The following RBFOX1 variants were observed in gnomAD, a reference collection of about 807,000 sequenced individuals.
RBFOX1 encodes the protein RNA binding protein fox-1 homolog 1.
Under a neutral mutation model 57.7 loss-of-function variants are expected in RBFOX1, and 8 were observed. The ratio of observed to expected loss-of-function variants is 0.14; its 90% CI spans 0.08 to 0.25. The LOEUF (loss-of-function observed/expected upper bound fraction) is 0.25. Ranked by LOEUF, RBFOX1 falls within the 10% of genes least tolerant of loss-of-function variation. The pLI, the probability that RBFOX1 is intolerant of heterozygous loss-of-function variation, is 1.00. For synonymous variants in RBFOX1, 326 were observed against 222.4 expected (o/e 1.47, Z -4.15); for missense variants, 611 against 548.5 (o/e 1.11, Z -1.14).
At chr16:6,005,398 A>T (rs2060675897) in intron 4 of RBFOX1, among the ~76,000 whole-genome samples, 1 of 152,252 alleles carries the variant, frequency 6.6e-6, no homozygotes, top group Non-Finnish European at 1.5e-5. Flanking sequence ...CACCTGCTAG[A>T]GCTGGGAGCA....
At chr16:6,912,238 G>A (rs1199796646) in intron 3 of RBFOX1, among the ~76,000 whole-genome samples, 1 of 152,154 alleles carries the variant, frequency 6.6e-6, no homozygotes, top group Non-Finnish European at 1.5e-5. Context: ...AAACTTGAGG[G>A]TACGTCAGAA....
At chr16:5,526,091 CCT>C (rs887261760) in intron 2 of RBFOX1, among the ~76,000 whole-genome samples, 89 of 152,072 alleles carry the variant, frequency 5.9e-4, no homozygotes, top group African/African-American at 2.1e-3. Flanking sequence ...AGTACCAGCC[CCT>C]CTCTTTTATT....
chr16:5,531,597 T>C (rs1020598291), intron 2 of RBFOX1, among the ~76,000 whole-genome samples: 9 of 152,170 alleles, frequency 5.9e-5, no homozygotes, highest in Non-Finnish European at 8.8e-5. Context: ...CATCTGCAAG[T>C]CTCAGTTTTT....
At chr16:6,737,842 A>G (rs1254547922) in intron 3 of RBFOX1, among the ~76,000 whole-genome samples, 1 of 152,142 alleles carries the variant, frequency 6.6e-6, no homozygotes, top group African/African-American at 2.4e-5. Flanking sequence ...GGGACATTGC[A>G]GACTTTTCCT....
intron 3 of RBFOX1, among the ~76,000 whole-genome samples, chr16:5,705,963 T>C (rs1020330809): frequency 9.9e-5 from 15 of 152,274 alleles, no homozygotes; most frequent in Non-Finnish European, 1.6e-4. Flanking sequence ...CACGATGGAG[T>C]GCAGTGGTGT....
At chr16:6,369,576 C>G (rs989754623) in intron 2 of RBFOX1, among the ~76,000 whole-genome samples, 1 of 152,122 alleles carries the variant, frequency 6.6e-6, no homozygotes, top group Non-Finnish European at 1.5e-5. Context: ...TCCATGTCCT[C>G]GAGGGCTGGT....
intron 3 of RBFOX1, among the ~76,000 whole-genome samples, chr16:6,783,243 T>C (rs542822395): frequency 2.0e-5 from 3 of 152,088 alleles, no homozygotes; most frequent in Admixed American, 6.5e-5. Context: ...ATTGTTATTA[T>C]TGATAGGTGA....
chr16:5,474,629 G>T (rs2069256252), intron 2 of RBFOX1, among the ~76,000 whole-genome samples: 1 of 152,054 alleles, frequency 6.6e-6, no homozygotes, highest in Non-Finnish European at 1.5e-5. Flanking sequence ...ACTCCAGCCT[G>T]GGGGACAAGA....
chr16:7,085,995 G>T (rs1258503829), intron 4 of RBFOX1, among the ~76,000 whole-genome samples: 1 of 152,156 alleles, frequency 6.6e-6, no homozygotes, highest in Non-Finnish European at 1.5e-5. Flanking sequence ...GAACTTGTCA[G>T]TTGAGGGCTG....
intron 4 of RBFOX1, among the ~76,000 whole-genome samples, chr16:7,448,227 G>A (rs2150114150): frequency 6.6e-6 from 1 of 152,290 alleles, no homozygotes; most frequent in East Asian, 1.9e-4. Flanking sequence ...TCTGGAAGTT[G>A]GAAGTCGTAA....
intron 2 of RBFOX1, among the ~76,000 whole-genome samples, chr16:5,586,177 A>C (rs2046822251): frequency 6.6e-6 from 1 of 152,182 alleles, no homozygotes; most frequent in Admixed American, 6.5e-5. Context: ...GGCAGAGCAT[A>C]AATTATCCCA....
chr16:5,922,736 G>A (rs2058852032), intron 4 of RBFOX1, among the ~76,000 whole-genome samples: 1 of 152,088 alleles, frequency 6.6e-6, no homozygotes, highest in East Asian at 1.9e-4. Flanking sequence ...ACCCCTCAAT[G>A]TATTCAGATG....
In RBFOX1 at chr16:7,028,078, G is replaced by T. The variant is rs548542869; in HGVS notation, c.-15-23979G>T. Among the ~76,000 whole-genome samples, 97 of 152,190 alleles carry T rather than the reference G, an allele frequency of 6.4e-4. 1 individual carries two copies. Among genetic ancestry groups the T allele is most frequent in the African/African-American group, 2.1e-3 (86 of 41,516 alleles). On this transcript the variant is annotated intron_variant, in intron 3 of 15. Transcript: ENST00000550418. The stretch of plus-strand genomic sequence containing the variant: ...AGTGTTCGCAGCCCTGAGAAACGTG[G>T]TTTCTCATTTGCCTGTTACTTGGCA...
intron 14 of RBFOX1, among the ~76,000 whole-genome samples, chr16:7,702,195 T>A (rs1045403158): frequency 6.6e-6 from 1 of 152,228 alleles, no homozygotes; most frequent in Non-Finnish European, 1.5e-5. Flanking sequence ...GGTTGTGTGG[T>A]AAATATTTAT....
intron 4 of RBFOX1, among the ~76,000 whole-genome samples, chr16:5,872,531 G>C (rs1671532852): frequency 1.3e-5 from 2 of 152,170 alleles, no homozygotes; most frequent in South Asian, 4.2e-4. Flanking sequence ...AGGAGTTCGA[G>C]ACCAGCCTGG....
intron 3 of RBFOX1, among the ~76,000 whole-genome samples, chr16:5,821,698 A>G (rs2151805251): frequency 6.6e-6 from 1 of 152,310 alleles, no homozygotes; most frequent in East Asian, 1.9e-4. Flanking sequence ...CAAAGAACAG[A>G]AAGCACAAAC....
At chr16:5,489,051 A>G (rs2042739319) in intron 2 of RBFOX1, among the ~76,000 whole-genome samples, 1 of 152,210 alleles carries the variant, frequency 6.6e-6, no homozygotes, top group African/African-American at 2.4e-5. Flanking sequence ...GGCAGAGATA[A>G]ATGTCCTAAC....
intron 3 of RBFOX1, among the ~76,000 whole-genome samples, chr16:6,931,688 G>A (rs981545839): frequency 6.6e-6 from 1 of 152,184 alleles, no homozygotes; most frequent in Admixed American, 6.5e-5. Context: ...CAGACTCAAA[G>A]TCAGACAGTT....
At position 6,013,519 on chromosome 16, in the gene RBFOX1, A is replaced by T. The variant is rs116630208; in HGVS notation, c.351+146184A>T. On this transcript the variant is annotated intron_variant, in intron 4 of 19. Transcript: ENST00000641259. ...TTCTAAGCCTGGCTACATGGAGATG[A>T]GTCCTAGTAAACAAAAAGACAAGCT... 6.3e-3 allele frequency among the ~76,000 whole-genome samples: 957 copies of T among 152,256 alleles called. 11 individuals are homozygous for T. Among genetic ancestry groups the T allele is most frequent in the African/African-American group, 0.02 (835 of 41,540 alleles).
Sources: gnomAD v4.1 joint callset for allele counts (sites outside exome capture counted in the v4.1 genomes callset) on GRCh38, gnomAD v4.1.1 for gene constraint, MANE v1.5 for transcripts, NCBI Gene and HGNC (gene_info 2026-07-23, HGNC 2026-07-21) for gene names.